The following SCNN1G variants were observed in gnomAD, a reference collection of about 807,000 sequenced individuals.
The protein encoded by SCNN1G is epithelial sodium channel subunit gamma.
Under a neutral mutation model 64.6 loss-of-function variants are expected in SCNN1G, and 27 were observed. The ratio of observed to expected loss-of-function variants is 0.42; its 90% CI spans 0.31 to 0.58. The LOEUF (loss-of-function observed/expected upper bound fraction) is 0.58, where lower values mean the gene tolerates loss of function less well. Among genes scored for constraint, SCNN1G ranks in the 20% least tolerant of loss-of-function variants. The pLI is 0.18. For missense variants in SCNN1G, 743 were observed against 823.4 expected (o/e 0.90, Z 1.19); for synonymous variants, 330 against 314.2 (o/e 1.05, Z -0.53).
rs749930201 is a variant in SCNN1G at position 23,186,340 on chromosome 16, G to GTCTTT, written c.69_70insTCTTT (p.Thr24SerfsTer7). 6.2e-7 allele frequency: 1 copy of GTCTTT among 1,614,242 alleles called. No homozygotes were observed. The highest frequency in any genetic ancestry group is 8.5e-7 in the Non-Finnish European group (1 of 1,180,052). The stretch of plus-strand genomic sequence containing the variant: ...TGCCCGTGACGGGCCCTCAGGCGCC[G>GTCTTT]ACCATTAAAGAGCTGATGCGGTGGT... On this transcript the variant is annotated frameshift_variant, in exon 2 of 13. Transcript: ENST00000300061. LOFTEE classifies it high-confidence loss of function.
chr16:23,205,408 T>C (rs568485682), intron 6 of SCNN1G, among the ~76,000 whole-genome samples: 1 of 151,874 alleles, frequency 6.6e-6, no homozygotes, highest in Non-Finnish European at 1.5e-5. Flanking sequence ...CAAAACCTCC[T>C]CAATAATGAG....
rs1404070610 is a variant in SCNN1G, at chr16:23,215,566, C to T, written c.*97C>T. Reference sequence around the variant, plus strand: ...GACGTGTGCACAGGGGACCCTCTGCCCCACTCTGGGCTTTTCAGATACTCT... The same window carrying T: ...GACGTGTGCACAGGGGACCCTCTGCTCCACTCTGGGCTTTTCAGATACTCT... On this transcript the variant is annotated 3_prime_UTR_variant, in exon 13 of 13. Transcript: ENST00000300061. 4.9e-6 allele frequency: 7 copies of T among 1,439,002 alleles called. No individual in the cohort carries two copies. Among genetic ancestry groups the T allele is most frequent in the Non-Finnish European group, 6.8e-6 (7 of 1,036,406 alleles). The allele number at this position is 1,439,002 out of a possible 1,614,324, so 89.1% of individuals were successfully genotyped here. A position where few individuals can be genotyped will look rare whatever the true frequency, so the allele number is the denominator to read the frequency against.
Position 23,184,275 on chromosome 16 carries a change from C to G in SCNN1G, c.-45+1462C>G, listed in dbSNP as rs558085402. Among the ~76,000 whole-genome samples, 317 of 152,178 alleles carry G rather than the reference C, an allele frequency of 2.1e-3. 2 individuals are homozygous for G. The highest frequency in any genetic ancestry group is 3.6e-3 in the Non-Finnish European group (247 of 68,012). On this transcript the variant is annotated intron_variant, in intron 1 of 12. Transcript: ENST00000300061. The stretch of plus-strand genomic sequence containing the variant: ...GAAGGGGCTGATGGGGCAGAGGTAC[C>G]CCTGAGAGCTGGGGATAGGAGCTTC...
intron 4 of SCNN1G, among the ~76,000 whole-genome samples, chr16:23,193,054 G>A (rs1268243110): frequency 1.6e-5 from 2 of 124,248 alleles, no homozygotes. Context: ...GGGCTGCAGA[G>A]TGAGACTCTT....
chr16:23,186,512 G>C lies in SCNN1G; in HGVS notation c.241G>C (p.Val81Leu). The C allele has an allele frequency of 6.2e-7, 1 of 1,613,918 alleles. No homozygotes were observed. The highest frequency in any genetic ancestry group is 1.1e-5 in the South Asian group (1 of 91,076). ...CCTCCTCGTCTTCTCCTTCTATACT[G>C]TCTCAGTTTCCATCAAAGTCCACTT... ...CALLVFSFYT[V>L]SVSIKVHFRK... Residue 81 changes from valine to leucine, a missense_variant, in exon 2 of 13, where the codon GTC becomes CTC. Val to Leu is a conservative substitution (Grantham distance 32). Transcript: ENST00000300061.
At position 23,214,725 on chromosome 16, in the gene SCNN1G, A is replaced by G. The variant is rs1385880343; in HGVS notation, c.1507A>G (p.Lys503Glu). Residue 503 changes from lysine (K) to glutamate (E), a missense_variant, in exon 12 of 13, where the codon AAA becomes GAA. Transcript: ENST00000300061. ...NKKLNKTDLA[K>E]LLIFYKDLNQ... ...GGAATTTTGCAGGACAGACTTGGCC[A>G]AACTCTTGATATTCTACAAAGACCT... 1 of 1,613,934 alleles carries G rather than the reference A, an allele frequency of 6.2e-7. No homozygotes were observed. The highest frequency in any genetic ancestry group is 8.5e-7 in the Non-Finnish European group (1 of 1,179,908).
At chr16:23,205,406 C>T (rs982000517) in intron 6 of SCNN1G, among the ~76,000 whole-genome samples, 1 of 152,032 alleles carries the variant, frequency 6.6e-6, no homozygotes, top group African/African-American at 2.4e-5. Flanking sequence ...AACAAAACCT[C>T]CTCAATAATG....
At chr16:23,191,819 A>G (rs1457757487) in intron 3 of SCNN1G, among the ~76,000 whole-genome samples, 2 of 152,188 alleles carry the variant, frequency 1.3e-5, no homozygotes, top group Non-Finnish European at 2.9e-5. Context: ...TAAAGTTCTC[A>G]TTGTATATTT....
chr16:23,191,826 A>G (rs957670480), intron 3 of SCNN1G, among the ~76,000 whole-genome samples: 3 of 152,196 alleles, frequency 2.0e-5, no homozygotes, highest in Non-Finnish European at 2.9e-5. Flanking sequence ...CTCATTGTAT[A>G]TTTCAAACAT....
chr16:23,205,648 T>C (rs200287083), intron 6 of SCNN1G, among the ~76,000 whole-genome samples: 4 of 149,774 alleles, frequency 2.7e-5, no homozygotes, highest in Non-Finnish European at 5.9e-5. Flanking sequence ...TGCAGTGAGC[T>C]GAGATCATGC....
rs368377885 is a variant in SCNN1G, at chr16:23,186,269, G to T, written c.-3G>T. ...GTCCCGTCCTCAAAGTCCCATCCTC[G>T]CCATGGCACCCGGAGAGAAGATCAA... On this transcript the variant is annotated 5_prime_UTR_variant, in exon 2 of 13. Coordinates refer to ENST00000300061, the MANE Select transcript of SCNN1G (RefSeq NM_001039.4). 3.6e-5 allele frequency: 58 copies of T among 1,614,006 alleles called. 1 individual carries two copies. The South Asian group carries it at 6.1e-4, about 17-fold the overall frequency.
rs1314391021 is a variant in SCNN1G, at chr16:23,212,108, T to C, written c.1251T>C (p.Pro417=). ...CGCAQYSQPL[P]PAANYCNYQQ... ...GTGCCCAGTACAGCCAGCCTCTACCTCCTGCAGCCAACTACTGCAACTACC... is the reference window on the plus strand; with the variant it reads ...GTGCCCAGTACAGCCAGCCTCTACCCCCTGCAGCCAACTACTGCAACTACC... Residue 417 remains proline, a synonymous_variant, in exon 8 of 13, where the codon CCT becomes CCC. Transcript: ENST00000300061. The C allele has an allele frequency of 1.2e-6, 2 of 1,613,936 alleles. No individual in the cohort carries two copies. Among genetic ancestry groups the C allele is most frequent in the East Asian group, 4.5e-5 (2 of 44,874 alleles).
At chr16:23,208,725 C>T (rs1027686768) in intron 6 of SCNN1G, among the ~76,000 whole-genome samples, 2 of 148,858 alleles carry the variant, frequency 1.3e-5, no homozygotes, top group African/African-American at 2.5e-5. Context: ...TCCTTCCCCC[C>T]TTCCCTCCCT....
rs996887372 is a variant in SCNN1G, at chr16:23,215,777, G to A, written c.*308G>A. 1.1e-5 allele frequency: 5 copies of A among 471,906 alleles called. No homozygotes were observed. The highest frequency in any genetic ancestry group is 5.9e-4 in the Middle Eastern group (1 of 1,704). The allele number at this position is 471,906 out of a possible 1,614,324, so 29.2% of individuals were successfully genotyped here. A position where few individuals can be genotyped will look rare whatever the true frequency, so the allele number is the denominator to read the frequency against. On this transcript the variant is annotated 3_prime_UTR_variant, in exon 13 of 13. Coordinates refer to ENST00000300061, the MANE Select transcript of SCNN1G (RefSeq NM_001039.4). The stretch of plus-strand genomic sequence containing the variant: ...CTGGCCCAAGTGAAGGCCAGAGTGA[G>A]GACTGATGCAGCTCTTTACGGGTCT...
At chr16:23,204,195 C>A (rs1171755751) in intron 6 of SCNN1G, among the ~76,000 whole-genome samples, 2 of 149,372 alleles carry the variant, frequency 1.3e-5, no homozygotes, top group Non-Finnish European at 3.0e-5. Context: ...GGGAGGATCA[C>A]TTGAACCCAA....
At position 23,215,798 on chromosome 16, in the gene SCNN1G, G is replaced by T. The variant is rs1489800880; in HGVS notation, c.*329G>T. On this transcript the variant is annotated 3_prime_UTR_variant, in exon 13 of 13. Coordinates refer to ENST00000300061, the MANE Select transcript of SCNN1G (RefSeq NM_001039.4). ...GTGAGGACTGATGCAGCTCTTTACGGGTCTTGAGAGGGAAGGACTCTTCCA... is the reference window on the plus strand; with the variant it reads ...GTGAGGACTGATGCAGCTCTTTACGTGTCTTGAGAGGGAAGGACTCTTCCA... The T allele has an allele frequency of 4.9e-6, 2 of 406,400 alleles. No homozygotes were observed. The highest frequency in any genetic ancestry group is 1.1e-4 in the East Asian group (2 of 18,816). 25.2% of individuals were successfully genotyped at this position (406,400 alleles called of 1,614,324 possible). A position where few individuals can be genotyped will look rare whatever the true frequency, so the allele number is the denominator to read the frequency against.
At chr16:23,205,315 C>T (rs1325251353) in intron 6 of SCNN1G, among the ~76,000 whole-genome samples, 1 of 152,072 alleles carries the variant, frequency 6.6e-6, no homozygotes, top group African/African-American at 2.4e-5. Context: ...CAGAATTCAA[C>T]CCCCTTACGC....
rs751292558 is a variant in SCNN1G, at chr16:23,186,261, C to T, written c.-11C>T. On this transcript the variant is annotated 5_prime_UTR_variant, in exon 2 of 13. Transcript: ENST00000300061. The stretch of plus-strand genomic sequence containing the variant: ...TCCTCAGAGTCCCGTCCTCAAAGTC[C>T]CATCCTCGCCATGGCACCCGGAGAG... The T allele has an allele frequency of 1.7e-5, 27 of 1,614,032 alleles. No homozygotes were observed. The highest frequency in any genetic ancestry group is 3.3e-4 in the Middle Eastern group (2 of 6,084).
In SCNN1G at chr16:23,209,842, G is replaced by A. The variant is rs767064525; in HGVS notation, c.1170G>A (p.Ser390=). The A allele has an allele frequency of 1.4e-5, 23 of 1,612,472 alleles. No individual in the cohort carries two copies. The highest frequency in any genetic ancestry group is 3.3e-5 in the Admixed American group (2 of 60,020). ...PIRNIYNAAY[S]LQICLHSCFQ... is the part of the protein sequence containing the mutation. ...GGAACATCTACAACGCTGCCTACTC[G>A]CTCCAGGTAACAGATTGGCAGGGGC... The change falls in exon 7 of 13, where the codon TCG becomes TCA. Residue 390 remains serine (S), a synonymous_variant. Transcript: ENST00000300061.
Sources: allele counts gnomAD v4.1 joint callset (sites outside exome capture counted in the v4.1 genomes callset), GRCh38; gene constraint gnomAD v4.1.1; transcripts MANE v1.5; gene names NCBI Gene and HGNC (gene_info 2026-07-23, HGNC 2026-07-21).